The following COL2A1 variants were observed in gnomAD, a reference collection of about 807,000 sequenced individuals.
COL2A1 encodes collagen type II alpha 1 chain.
In COL2A1, 28 loss-of-function variants were observed where a neutral mutation model predicts 204.5. The observed-to-expected ratio is 0.14, with a 90% CI of 0.10 to 0.19. The LOEUF (loss-of-function observed/expected upper bound fraction) is 0.19, where lower values mean the gene tolerates loss of function less well. Ranked by LOEUF, COL2A1 falls within the 10% of genes least tolerant of loss-of-function variation. The probability of loss-of-function intolerance (pLI) is 1.00; values close to 1 mark genes in which losing one functional copy is unlikely to be tolerated. For missense variants in COL2A1, 1,388 were observed against 2,027.5 expected, an observed-to-expected ratio of 0.68 and a Z score of 6.06; for synonymous variants, 708 against 718.7, an observed-to-expected ratio of 0.99 and a Z score of 0.24.
intron 2 of COL2A1, 151 bp from the exon 3 acceptor site, chr12:47,998,582 T>A: frequency 1.3e-6 from 1 of 781,506 alleles, no homozygotes; most frequent in Non-Finnish European, 2.1e-6. Context: ...TGAACCCCTC[T>A]GTTGGGGTGT....
chr12:48,000,258 G>A (rs1940171741), intron 1 of COL2A1, 133 bp from the exon 2 acceptor site: 3 of 683,654 alleles, frequency 4.4e-6, no homozygotes, highest in Middle Eastern at 7.7e-4. Context: ...GGGGCCACCT[G>A]GACATATAGA....
At chr12:47,981,671 G>A in intron 36 of COL2A1, 105 bp downstream of exon 36, 1 of 1,305,686 alleles carries the variant, frequency 7.7e-7, no homozygotes, top group Non-Finnish European at 1.1e-6. Flanking sequence ...CTTGGCCGAG[G>A]GTGACAGTGG....
At chr12:47,983,939 A>AGGTC in intron 29 of COL2A1, 148 bp downstream of exon 29, 1 of 940,744 alleles carries the variant, frequency 1.1e-6, no homozygotes, top group Non-Finnish European at 1.7e-6. Context: ...GCCTCCTGGG[A>AGGTC]CACCCTGCCT....
Position 47,973,134 on chromosome 12 carries a change from G to T in COL2A1, c.*273C>A. 1.6e-6 allele frequency: 1 copy of T among 611,612 alleles called. No homozygotes were observed. Among genetic ancestry groups the T allele is most frequent in the Non-Finnish European group, 2.9e-6 (1 of 344,178 alleles). The allele number at this position is 611,612 out of a possible 1,614,324, so 37.9% of individuals were successfully genotyped here. On this transcript the variant is annotated 3_prime_UTR_variant, in exon 54 of 54. Transcript: ENST00000380518. ...GGGGGCAGTCACTCAGGGGGCATTT[G>T]ACTCACACCAGTTAGTTTCCTGCCT...
intron 16 of COL2A1, 32 bp from the exon 17 acceptor site, chr12:47,989,837 T>C (rs763585276): frequency 6.2e-7 from 1 of 1,609,070 alleles, no homozygotes; most frequent in Non-Finnish European, 8.5e-7. Context: ...CCATGAGAGG[T>C]GCCCACAGGC....
chr12:47,994,112 T>C lies in COL2A1; in HGVS notation c.817-65A>G, dbSNP rs1939833967. The C allele has an allele frequency of 1.9e-6, 3 of 1,573,372 alleles. No individual in the cohort carries two copies. The Admixed American group carries it at 5.0e-5, about 26-fold the overall frequency. ...ATAACAGTGGAAAGCTGCCCTGGGC[T>C]GCAGGAGGGCCTCCAGTTCCCTTGG... is the stretch of plus-strand genomic sequence containing the variant. On this transcript the variant is annotated intron_variant, in intron 12 of 53. Coordinates refer to ENST00000380518, the MANE Select transcript of COL2A1 (RefSeq NM_001844.5).
At chr12:47,986,567 G>A (rs1259973106) in intron 22 of COL2A1, 124 bp from the exon 23 acceptor site, 10 of 735,772 alleles carry the variant, frequency 1.4e-5, no homozygotes, top group African/African-American at 5.2e-5. Flanking sequence ...GCTTGAGGAC[G>A]AGAGGCCATA....
At chr12:47,983,872 C>G (rs1289682913) in intron 29 of COL2A1, 136 bp from the exon 30 acceptor site, 1 of 994,336 alleles carries the variant, frequency 1.0e-6, no homozygotes, top group African/African-American at 1.6e-5. Context: ...TGCATGCATG[C>G]CTCCCTGCAC....
chr12:47,989,373 T>C, intron 17 of COL2A1, 92 bp from the exon 18 acceptor site: 2 of 1,047,932 alleles, frequency 1.9e-6, no homozygotes, highest in Non-Finnish European at 2.9e-6. Flanking sequence ...TTCCCTCCTC[T>C]GTACTGATTT....
intron 27 of COL2A1, 92 bp downstream of exon 27, chr12:47,984,902 TA>T (rs1939305705): frequency 3.7e-6 from 4 of 1,093,696 alleles, no homozygotes. Context: ...TGTCCCTGGT[TA>T]AACTCTACTC....
In COL2A1 at chr12:47,992,848, T is replaced by C. The variant is rs199596775; in HGVS notation, c.1023+30A>G. The stretch of plus-strand genomic sequence containing the variant: ...TGTAAACTCTAAAGTGCTCGGCAAA[T>C]GGTGGTGTTTGGCTTTGTCAATTAC... On this transcript the variant is annotated intron_variant, in intron 16 of 53. Transcript: ENST00000380518. The C allele has an allele frequency of 4.0e-4, 640 of 1,612,586 alleles. 2 individuals are homozygous for C. The African/African-American group carries it at 7.5e-3, about 19-fold the overall frequency.
At chr12:47,993,269 AAT>A (rs1939790114) in intron 15 of COL2A1, among the ~76,000 whole-genome samples, 187 bp downstream of exon 15, 1 of 151,942 alleles carries the variant, frequency 6.6e-6, no homozygotes, top group Non-Finnish European at 1.5e-5. Flanking sequence ...AGTGTGATAA[AAT>A]GGGTATCTTA....
chr12:47,977,278 C>A (rs771580999), intron 46 of COL2A1, 42 bp downstream of exon 46: 1 of 1,579,366 alleles, frequency 6.3e-7, no homozygotes, highest in East Asian at 2.2e-5. Context: ...TCAGCCCCAC[C>A]GCGCAGGGGA....
At chr12:47,994,290 T>C (rs1026629715) in intron 12 of COL2A1, 134 bp downstream of exon 12, 60 of 1,043,572 alleles carry the variant, frequency 5.7e-5, no homozygotes, top group Non-Finnish European at 3.8e-5. Flanking sequence ...ATTACAAACA[T>C]GGTCGTGATA....
rs367792761 is a variant in COL2A1, at chr12:47,995,321, G to A, written c.709-13C>T. 3.7e-6 allele frequency: 6 copies of A among 1,611,534 alleles called. No individual in the cohort carries two copies. The highest frequency in any genetic ancestry group is 2.7e-5 in the African/African-American group (2 of 74,898). ...GACCCATGGGACCCTACAAACAAAG[G>A]AAGATAGTTTAAGAGATGGTTATAG... On this transcript the variant is annotated splice_polypyrimidine_tract_variant and intron_variant, in intron 10 of 53. Coordinates refer to ENST00000380518, the MANE Select transcript of COL2A1 (RefSeq NM_001844.5).
Position 47,978,898 on chromosome 12 carries a change from C to T in COL2A1, c.2734-140G>A. 2 of 813,940 alleles carry T rather than the reference C, an allele frequency of 2.5e-6. No homozygotes were observed. Among genetic ancestry groups the T allele is most frequent in the South Asian group, 3.3e-5 (2 of 61,150 alleles). 50.4% of individuals were successfully genotyped at this position (813,940 alleles called of 1,614,324 possible). On this transcript the variant is annotated intron_variant, in intron 41 of 53. Transcript: ENST00000380518. This position sits in a 1 kb window ranked among gnomAD's most constrained non-coding sequence, Gnocchi z 5.5. The stretch of plus-strand genomic sequence containing the variant: ...CCCACACTAAGGGCAGGCAGCTTAA[C>T]CCCCCCAACCCCAATCTACCGCTGC...
chr12:47,993,409 T>C, intron 15 of COL2A1, 49 bp downstream of exon 15: 1 of 1,356,144 alleles, frequency 7.4e-7, no homozygotes, highest in Non-Finnish European at 1.1e-6. Context: ...AGCCATCTGA[T>C]AGTCTGAAGA....
rs114766194 is a variant in COL2A1, at chr12:47,979,393, G to A, written c.2733+118C>T. ...CATGATCAGTTAGCTACTCCTCCAG[G>A]GGGCAGGAACGGACTCAGAGGAGTG... is the stretch of plus-strand genomic sequence containing the variant. On this transcript the variant is annotated intron_variant, in intron 41 of 53. Transcript: ENST00000380518. 1.2e-3 allele frequency: 1,284 copies of A among 1,054,822 alleles called. 11 individuals carry two copies. The African/African-American group carries it at 0.017, about 14-fold the overall frequency. The allele number at this position is 1,054,822 out of a possible 1,614,324, so 65.3% of individuals were successfully genotyped here. A position where few individuals can be genotyped will look rare whatever the true frequency, so the allele number is the denominator to read the frequency against.
upstream of COL2A1, chr12:48,005,599 A>G (rs1328994684): frequency 6.6e-6 from 1 of 151,884 alleles, no homozygotes; most frequent in Non-Finnish European, 1.5e-5. Flanking sequence ...GCCCTCTCTC[A>G]CCTTAGCCAA....
Sources: gnomAD v4.1 joint callset for allele counts (sites outside exome capture counted in the v4.1 genomes callset) on GRCh38, gnomAD v4.1.1 for gene constraint, Gnocchi (gnomAD v3.1) non-coding constraint, MANE v1.5 for transcripts, NCBI Gene and HGNC (gene_info 2026-07-23, HGNC 2026-07-21) for gene names.